Variants in EXD3 observed in about 807,000 individuals in gnomAD.
The protein encoded by EXD3 is exonuclease 3'-5' domain containing 3.
EXD3 carries 92 observed loss-of-function variants against 98.0 expected under a neutral mutation model. The ratio of observed to expected loss-of-function variants is 0.94; its 90% CI spans 0.79 to 1.12. The LOEUF is 1.12. EXD3 is among the 50% of genes most tolerant of loss of function. The pLI, the probability that EXD3 is intolerant of heterozygous loss-of-function variation, is 0.00. For synonymous variants in EXD3, 569 were observed against 526.0 expected, an observed-to-expected ratio of 1.08 and a Z score of -1.12; for missense variants, 1,222 against 1,191.6, an observed-to-expected ratio of 1.03 and a Z score of -0.38.
At position 137,352,725 on chromosome 9, in the gene EXD3, C is replaced by T. The variant is rs374280850; in HGVS notation, c.932G>A (p.Ser311Asn). 25 of 1,573,456 alleles carry T rather than the reference C, an allele frequency of 1.6e-5. No individual in the cohort carries two copies. The highest frequency in any genetic ancestry group is 2.2e-5 in the Non-Finnish European group (25 of 1,161,206). ...ACACTGGGCGGCCGTGACTGGGTCA[C>T]TGTGGGAGACCAGCAGCTGAGACAG... ...EQLSQLLVSH[S>N]DPVTAAQCAM... Residue 311 changes from serine (S) to asparagine (N), a missense_variant, in exon 11 of 22, where the codon AGT (serine) becomes AAT (asparagine). Ser to Asn is a conservative substitution (Grantham distance 46). Coordinates refer to ENST00000340951, the MANE Select transcript of EXD3 (RefSeq NM_017820.5).
chr9:137,400,555 C>T (rs188680913), intron 1 of EXD3, among the ~76,000 whole-genome samples: 10 of 152,142 alleles, frequency 6.6e-5, no homozygotes, highest in Non-Finnish European at 1.2e-4. Flanking sequence ...CACCTGAGGT[C>T]GGGAGTTTGA....
At chr9:137,321,470 G>C (rs1336255117) in intron 19 of EXD3, among the ~76,000 whole-genome samples, 2 of 152,194 alleles carry the variant, frequency 1.3e-5, no homozygotes, top group African/African-American at 2.4e-5. Context: ...ATCACCTGAG[G>C]TCAGGAGTTC....
At position 137,407,340 on chromosome 9, in the gene EXD3, G is replaced by A. The variant is rs1837771523; in HGVS notation, c.-47-11936C>T. ...GCGGCCCCTCCACCTCTGTCCGCCTGCCCTAAATACCGCAGAGGTGACTGC... is the reference window on the plus strand; with the variant it reads ...GCGGCCCCTCCACCTCTGTCCGCCTACCCTAAATACCGCAGAGGTGACTGC... On this transcript the variant is annotated intron_variant, in intron 1 of 21. Transcript: ENST00000340951. This position sits in a 1 kb window ranked among gnomAD's most constrained non-coding sequence, Gnocchi z 4.4. Among the ~76,000 whole-genome samples the A allele has an allele frequency of 6.6e-6, 1 of 152,202 alleles. No individual in the cohort carries two copies. Among genetic ancestry groups the A allele is most frequent in the Admixed American group, 6.5e-5 (1 of 15,286 alleles).
At chr9:137,334,769 G>A (rs1588285306) in intron 17 of EXD3, among the ~76,000 whole-genome samples, 1 of 152,268 alleles carries the variant, frequency 6.6e-6, no homozygotes, top group Non-Finnish European at 1.5e-5. Context: ...CACAGCAAAA[G>A]AAATAATCAT....
intron 5 of EXD3, among the ~76,000 whole-genome samples, chr9:137,369,908 C>G (rs1315592681): frequency 1.3e-5 from 2 of 152,238 alleles, no homozygotes; most frequent in Non-Finnish European, 2.9e-5. Context: ...GCTCTCTGGG[C>G]ACCCGGGGCC....
rs554900270 is a variant in EXD3, at chr9:137,402,743, T to C, written c.-47-7339A>G. On this transcript the variant is annotated intron_variant, in intron 1 of 21. Coordinates refer to ENST00000340951, the MANE Select transcript of EXD3 (RefSeq NM_017820.5). ...CTCCACTGGTACCAATTTACTGCGT[T>C]AGCCCGTTTTCACGCTGCTGATAAA... 3.5e-4 allele frequency among the ~76,000 whole-genome samples: 54 copies of C among 152,310 alleles called. 1 individual carries two copies. The South Asian group carries it at 6.6e-3, about 19-fold the overall frequency.
intron 10 of EXD3, chr9:137,353,220 C>A: frequency 3.2e-5 from 31 of 983,940 alleles, no homozygotes; most frequent in Non-Finnish European, 3.7e-5. Context: ...CAAGCCTCCA[C>A]TGACCTTTCC....
At chr9:137,338,892 CA>C (rs766408966) in intron 17 of EXD3, among the ~76,000 whole-genome samples, 2,272 of 63,538 alleles carry the variant, frequency 0.036, 35 homozygotes, top group African/African-American at 0.096. Context: ...GACTCCATCT[CA>C]AAAAAAAAAA....
Position 137,383,684 on chromosome 9 carries a change from C to T in EXD3, c.56-307G>A, listed in dbSNP as rs563220015. On this transcript the variant is annotated intron_variant, in intron 2 of 21. Transcript: ENST00000340951. Reference sequence around the variant, plus strand: ...TCAGCTGCAGGTGCAGAGCAGCCCTCGTGGGCCTGAGCCTCTACCTGCTCC... The same window carrying T: ...TCAGCTGCAGGTGCAGAGCAGCCCTTGTGGGCCTGAGCCTCTACCTGCTCC... Among the ~76,000 whole-genome samples, 30 of 152,252 alleles carry T rather than the reference C, an allele frequency of 2.0e-4. No individual in the cohort carries two copies. The East Asian group carries it at 4.8e-3, about 24-fold the overall frequency.
In EXD3 at chr9:137,405,879, C is replaced by T. The variant is rs531125864; in HGVS notation, c.-47-10475G>A. ...ACCCGCTGCCCACAGACACCTTGCC[C>T]GTGCCCCAATGCCAGGCAGAGGCCT... is the stretch of plus-strand genomic sequence containing the variant. On this transcript the variant is annotated intron_variant, in intron 1 of 21. Coordinates refer to ENST00000340951, the MANE Select transcript of EXD3 (RefSeq NM_017820.5). The surrounding 1 kb of genome is among the most constrained non-coding windows in gnomAD (Gnocchi z 4.1). Among the ~76,000 whole-genome samples, 43 of 152,336 alleles carry T rather than the reference C, an allele frequency of 2.8e-4. No homozygotes were observed. Among genetic ancestry groups the T allele is most frequent in the African/African-American group, 9.1e-4 (38 of 41,576 alleles).
chr9:137,417,005 G>A (rs1481706720), intron 1 of EXD3, among the ~76,000 whole-genome samples: 1 of 152,360 alleles, frequency 6.6e-6, no homozygotes, highest in East Asian at 1.9e-4. Context: ...TGACCAAGGG[G>A]ACCCCACCTT....
intron 1 of EXD3, among the ~76,000 whole-genome samples, chr9:137,406,223 G>A (rs9414738): frequency 0.8 from 114,975 of 143,588 alleles, 45,379 homozygotes; most frequent in African/African-American, 0.92. Context: ...TTCCAAAAAA[G>A]AAAAAGAAAA....
Position 137,373,360 on chromosome 9 carries a change from C to T in EXD3, c.294+66G>A, listed in dbSNP as rs545668723. On this transcript the variant is annotated intron_variant, in intron 4 of 21. Transcript: ENST00000340951. ...TGCAAAGGCCTGGGCAGGTGGATGCCGGGTCCACTATGCTGAGGGGCAGGG... is the reference window on the plus strand; with the variant it reads ...TGCAAAGGCCTGGGCAGGTGGATGCTGGGTCCACTATGCTGAGGGGCAGGG... 5.4e-4 allele frequency: 832 copies of T among 1,547,624 alleles called. 1 individual carries two copies. Among genetic ancestry groups the T allele is most frequent in the South Asian group, 6.3e-4 (55 of 87,388 alleles).
intron 2 of EXD3, among the ~76,000 whole-genome samples, chr9:137,387,997 C>T (rs1481079944): frequency 6.6e-6 from 1 of 152,224 alleles, no homozygotes; most frequent in East Asian, 1.9e-4. Flanking sequence ...GGGCCCTGAC[C>T]CTGGACCCTG....
At chr9:137,365,511 T>C (rs901651713) in intron 7 of EXD3, 10 of 158,208 alleles carry the variant, frequency 6.3e-5, no homozygotes, top group Admixed American at 5.5e-4. Flanking sequence ...CATGCACACC[T>C]GCAGGCACAC....
In EXD3 at chr9:137,355,692, AG is replaced by A. The variant is rs796999244; in HGVS notation, c.757+575del. ...GAAAGGGAGGATGGAGGAAGGAGAA[AG>A]GGAGGAAGGAGGAAGGAGGAAGGAG... is the stretch of plus-strand genomic sequence containing the variant. On this transcript the variant is annotated intron_variant, in intron 8 of 21. Transcript: ENST00000340951. Among the ~76,000 whole-genome samples, 501 of 74,210 alleles carry A rather than the reference AG, an allele frequency of 6.8e-3. 2 individuals are homozygous for A. The highest frequency in any genetic ancestry group is 0.024 in the South Asian group (41 of 1,702). 48.7% of individuals were successfully genotyped at this position (74,210 alleles called of 152,430 possible). A position where few individuals can be genotyped will look rare whatever the true frequency, so the allele number is the denominator to read the frequency against.
At chr9:137,315,288 G>A (rs1831583648) in intron 19 of EXD3, among the ~76,000 whole-genome samples, 1 of 152,278 alleles carries the variant, frequency 6.6e-6, no homozygotes, top group African/African-American at 2.4e-5. Flanking sequence ...GGGCCCTGAT[G>A]AAGGAAGGCC....
intron 19 of EXD3, among the ~76,000 whole-genome samples, chr9:137,316,185 TG>T (rs1831647531): frequency 1.3e-5 from 2 of 150,010 alleles, no homozygotes; most frequent in Admixed American, 1.3e-4. Flanking sequence ...CGTGGGAAAG[TG>T]GGAGGAGGGG....
chr9:137,328,466 T>TA (rs1402978540), intron 17 of EXD3, among the ~76,000 whole-genome samples: 1 of 7,048 alleles, frequency 1.4e-4, no homozygotes, highest in East Asian at 3.2e-3. Context: ...AATATACACC[T>TA]ATATGATGAG....
Sources: gnomAD v4.1 joint callset for allele counts (sites outside exome capture counted in the v4.1 genomes callset) on GRCh38, gnomAD v4.1.1 for gene constraint, Gnocchi (gnomAD v3.1) non-coding constraint, MANE v1.5 for transcripts, NCBI Gene and HGNC (gene_info 2026-07-23, HGNC 2026-07-21) for gene names.